Variants in HMSD observed in about 807,000 individuals in gnomAD.
HMSD encodes the protein histocompatibility minor serpin domain containing, also known as serpin-like protein HMSD.
A neutral mutation model predicts 10.0 loss-of-function variants in HMSD; 13 were observed. That is an observed-to-expected ratio of 1.31 (90% CI 0.85 to 2.08). The LOEUF is 2.08. Ranked by LOEUF, HMSD falls within the 30% of genes most tolerant of loss-of-function variation. The pLI is 0.00. For synonymous variants in HMSD, 51 were observed against 54.2 expected, an observed-to-expected ratio of 0.94 and a Z score of 0.26; for missense variants, 169 against 166.3, an observed-to-expected ratio of 1.02 and a Z score of -0.09.
downstream of HMSD, among the ~76,000 whole-genome samples, chr18:63,963,097 C>CTT (rs1389531157): frequency 3.8e-5 from 5 of 129,944 alleles, no homozygotes; most frequent in Middle Eastern, 7.0e-3. Flanking sequence ...TTCTTTCTTT[C>CTT]TTTCTTTCTT....
Position 63,950,415 on chromosome 18 carries a change from C to CAAAAAA in HMSD, c.-103+1037_-103+1042dup, listed in dbSNP as rs562421091. On this transcript the variant is annotated intron_variant, in intron 1 of 3. Coordinates refer to ENST00000408945, the MANE Select transcript of HMSD (RefSeq NM_001123366.2). ...TGAGGGACAAAGCGAGACTCTCTCT[C>CAAAAAA]AAAAAAAAAAAAAAAAAAAAAAAAA... 5.0e-3 allele frequency among the ~76,000 whole-genome samples: 195 copies of CAAAAAA among 39,040 alleles called. 18 individuals are homozygous for CAAAAAA. Among genetic ancestry groups the CAAAAAA allele is most frequent in the Middle Eastern group, 0.025 (1 of 40 alleles). 25.6% of individuals were successfully genotyped at this position (39,040 alleles called of 152,430 possible).
At chr18:63,957,377 T>C (rs1485083551) in intron 3 of HMSD, among the ~76,000 whole-genome samples, 1 of 152,202 alleles carries the variant, frequency 6.6e-6, no homozygotes, top group Non-Finnish European at 1.5e-5. Context: ...AGAATTTCTA[T>C]CTCTTCTGTG....
chr18:63,953,022 G>A (rs2050339152), intron 1 of HMSD, among the ~76,000 whole-genome samples: 1 of 152,110 alleles, frequency 6.6e-6, no homozygotes, highest in African/African-American at 2.4e-5. Context: ...TTATACCATG[G>A]TGATTAAGAG....
chr18:63,965,087 T>C (rs2144767150), downstream of HMSD, among the ~76,000 whole-genome samples: 1 of 152,364 alleles, frequency 6.6e-6, no homozygotes, highest in East Asian at 1.9e-4. Context: ...CTGATGTAAC[T>C]GAATAAGCAT....
At chr18:63,955,486 G>A (rs557888705) in intron 3 of HMSD, among the ~76,000 whole-genome samples, 1 of 152,274 alleles carries the variant, frequency 6.6e-6, no homozygotes, top group South Asian at 2.1e-4. Flanking sequence ...AGGGAGGAAG[G>A]GAATGAAGCT....
At chr18:63,968,978 T>C (rs563306225) in intron 3 of HMSD, among the ~76,000 whole-genome samples, 2 of 152,306 alleles carry the variant, frequency 1.3e-5, no homozygotes, top group African/African-American at 4.8e-5. Context: ...GGTTCCCTCC[T>C]CCAAGAGATC....
intron 1 of HMSD, among the ~76,000 whole-genome samples, chr18:63,950,296 G>C (rs1271018754): frequency 6.6e-6 from 1 of 151,268 alleles, no homozygotes; most frequent in South Asian, 2.1e-4. Flanking sequence ...TGGGCCTGTA[G>C]TCCCAGCTAC....
At chr18:63,953,067 C>T (rs2099176695) in intron 1 of HMSD, among the ~76,000 whole-genome samples, 1 of 152,142 alleles carries the variant, frequency 6.6e-6, no homozygotes, top group African/African-American at 2.4e-5. Context: ...GTTTCTAATG[C>T]CTACTTTTCT....
At chr18:63,954,341 G>C in intron 2 of HMSD, 67 bp from the exon 3 acceptor site, 2 of 1,105,300 alleles carry the variant, frequency 1.8e-6, no homozygotes, top group Non-Finnish European at 1.3e-6. Flanking sequence ...TGAGTTTACT[G>C]TTGTGCCTAT....
At chr18:63,952,056 G>A (rs551299553) in intron 1 of HMSD, among the ~76,000 whole-genome samples, 3 of 145,812 alleles carry the variant, frequency 2.1e-5, no homozygotes, top group Non-Finnish European at 3.0e-5. Flanking sequence ...ACCAAACACC[G>A]CATATTCTCA....
chr18:63,956,235 A>G (rs9944952), intron 3 of HMSD, among the ~76,000 whole-genome samples: 44,340 of 152,118 alleles, frequency 0.29, 7,497 homozygotes, highest in African/African-American at 0.47. Flanking sequence ...ACATAAGTAA[A>G]CTGAAAAGTT....
chr18:63,965,142 C>T (rs72943585), downstream of HMSD, among the ~76,000 whole-genome samples: 9,272 of 152,194 alleles, frequency 0.061, 362 homozygotes, highest in African/African-American at 0.09. Context: ...CTGAAGTCCA[C>T]AGTGTGGATC....
intron 1 of HMSD, among the ~76,000 whole-genome samples, 158 bp downstream of exon 1, chr18:63,949,558 C>T (rs150767491): frequency 6.6e-6 from 1 of 152,226 alleles, no homozygotes; most frequent in Non-Finnish European, 1.5e-5. Context: ...CTTCTTTACT[C>T]GGTCTCTGGC....
At chr18:63,955,606 G>A (rs541785477) in intron 3 of HMSD, among the ~76,000 whole-genome samples, 13 of 152,248 alleles carry the variant, frequency 8.5e-5, no homozygotes, top group African/African-American at 3.1e-4. Context: ...CAGCAGAACT[G>A]CATAATGTTA....
chr18:63,951,151 T>A (rs1267600192), intron 1 of HMSD, among the ~76,000 whole-genome samples: 1 of 152,224 alleles, frequency 6.6e-6, no homozygotes, highest in African/African-American at 2.4e-5. Context: ...TACAAATGCT[T>A]ATATTAATGA....
rs1258440695 is a variant in HMSD at position 63,960,890 on chromosome 18, T to G, written c.*535T>G. 1 of 153,130 alleles carries G rather than the reference T, an allele frequency of 6.5e-6. No homozygotes were observed. Among genetic ancestry groups the G allele is most frequent in the Non-Finnish European group, 1.5e-5 (1 of 68,750 alleles). 9.5% of individuals were successfully genotyped at this position (153,130 alleles called of 1,614,324 possible). A position where few individuals can be genotyped will look rare whatever the true frequency, so the allele number is the denominator to read the frequency against. ...ATTACAAGGAGACATCCACATTATA[T>G]GTGGGCTGAGAGAGGAAAGAGGGAG... On this transcript the variant is annotated 3_prime_UTR_variant, in exon 4 of 4. Coordinates refer to ENST00000408945, the MANE Select transcript of HMSD (RefSeq NM_001123366.2).
chr18:63,952,970 A>G (rs938967160), intron 1 of HMSD, among the ~76,000 whole-genome samples: 1 of 152,248 alleles, frequency 6.6e-6, no homozygotes, highest in Admixed American at 6.5e-5. Context: ...GTTTTAAGCA[A>G]GTAACTTTCT....
chr18:63,959,853 G>A (rs532717945), intron 3 of HMSD, among the ~76,000 whole-genome samples: 1 of 152,230 alleles, frequency 6.6e-6, no homozygotes, highest in Non-Finnish European at 1.5e-5. Flanking sequence ...GGATTTCTAT[G>A]TCTTCTTGGA....
chr18:63,963,116 TCTTTCTTTCTTTCTTTC>T (rs2050395623), downstream of HMSD, among the ~76,000 whole-genome samples: 2 of 132,776 alleles, frequency 1.5e-5, no homozygotes, highest in Admixed American at 1.5e-4. Flanking sequence ...TTTCTTTCTT[TCTTTCTTTCTTTCTTTC>T]CTTTCTTTCT....
Sources: gnomAD v4.1 joint callset for allele counts (sites outside exome capture counted in the v4.1 genomes callset) on GRCh38, gnomAD v4.1.1 for gene constraint, MANE v1.5 for transcripts, NCBI Gene and HGNC (gene_info 2026-07-23, HGNC 2026-07-21) for gene names.